The following GTF2IRD1 variants were observed in gnomAD, a reference collection of about 807,000 sequenced individuals.
GTF2IRD1 encodes the protein GTF2I repeat domain containing 1.
In GTF2IRD1, 26 loss-of-function variants were observed where a neutral mutation model predicts 113.2. The observed-to-expected ratio is 0.23, with a 90% CI of 0.17 to 0.32. The LOEUF (loss-of-function observed/expected upper bound fraction) is 0.32. Among genes scored for constraint, GTF2IRD1 ranks in the 10% least tolerant of loss-of-function variants. The pLI is 1.00. For missense variants in GTF2IRD1, 864 were observed against 1,280.8 expected, an observed-to-expected ratio of 0.67 and a Z score of 4.97; for synonymous variants, 484 against 529.1, an observed-to-expected ratio of 0.91 and a Z score of 1.17.
In GTF2IRD1 at chr7:74,512,244, C is replaced by T. The variant is rs10227184; in HGVS notation, c.124-586C>T. ...GCGGGCGCCTGTAGTCCCAGCTACT[C>T]GGGAGGCTGAGGCAGGAGAATCGCT... is the stretch of plus-strand genomic sequence containing the variant. On this transcript the variant is annotated intron_variant, in intron 2 of 26. Coordinates refer to ENST00000424337, the MANE Select transcript of GTF2IRD1 (RefSeq NM_005685.4). The surrounding 1 kb of genome is among the most constrained non-coding windows in gnomAD (Gnocchi z 4.4). Among the ~76,000 whole-genome samples, 10,720 of 152,082 alleles carry T rather than the reference C, an allele frequency of 0.07. 1,164 individuals are homozygous for T. The highest frequency in any genetic ancestry group is 0.24 in the African/African-American group (9,767 of 41,454).
chr7:74,537,470 A>T (rs1384901742), intron 11 of GTF2IRD1, among the ~76,000 whole-genome samples: 2 of 152,004 alleles, frequency 1.3e-5, no homozygotes, highest in African/African-American at 4.8e-5. Flanking sequence ...ACATGCATAC[A>T]TACCTACTAC....
At chr7:74,570,235 C>T (rs112352319) in intron 22 of GTF2IRD1, among the ~76,000 whole-genome samples, 21,992 of 151,666 alleles carry the variant, frequency 0.15, 1,752 homozygotes, top group South Asian at 0.24. Context: ...TGGTGGCGGA[C>T]GCCTGTAATC....
At chr7:74,525,289 A>G (rs1417578219) in intron 8 of GTF2IRD1, among the ~76,000 whole-genome samples, 7 of 152,160 alleles carry the variant, frequency 4.6e-5, no homozygotes, top group Admixed American at 2.6e-4. Flanking sequence ...TGGGCCAGGT[A>G]GGCCTGGGTA....
chr7:74,482,297 G>A lies in GTF2IRD1; in HGVS notation c.-6-25778G>A, dbSNP rs1048621552. On this transcript the variant is annotated intron_variant, in intron 1 of 26. Transcript: ENST00000424337. ...GGCTGGAGTGCAGTGATGCAATCTC[G>A]GCTCACTGCAGCCTCAACCTCATGG... 1.3e-4 allele frequency among the ~76,000 whole-genome samples: 19 copies of A among 141,926 alleles called. No homozygotes were observed. In the East Asian group the frequency reaches 1.6e-3, roughly 12 times the overall value. 93.1% of individuals were successfully genotyped at this position (141,926 alleles called of 152,430 possible).
intron 14 of GTF2IRD1, among the ~76,000 whole-genome samples, chr7:74,540,290 G>C (rs782761043): frequency 2.0e-5 from 3 of 152,098 alleles, no homozygotes; most frequent in Non-Finnish European, 4.4e-5. Flanking sequence ...GGAATTACAG[G>C]CATGTGCCAC....
At chr7:74,520,055 G>C (rs1797178898) in intron 6 of GTF2IRD1, among the ~76,000 whole-genome samples, 1 of 121,838 alleles carries the variant, frequency 8.2e-6, no homozygotes, top group Admixed American at 1.1e-4. Flanking sequence ...GCACACCTCT[G>C]CACTCCAGCC....
intron 22 of GTF2IRD1, among the ~76,000 whole-genome samples, chr7:74,587,106 C>T (rs144711862): frequency 6.6e-6 from 1 of 152,028 alleles, no homozygotes; most frequent in East Asian, 1.9e-4. Flanking sequence ...TATGATGGCA[C>T]CACTGTACTC....
intron 22 of GTF2IRD1, 123 bp downstream of exon 22, chr7:74,559,778 C>A: frequency 1.3e-6 from 1 of 747,504 alleles, no homozygotes; most frequent in Non-Finnish European, 2.0e-6. Flanking sequence ...CAGGCCCCTG[C>A]CTTTCTTTTT....
intron 16 of GTF2IRD1, 85 bp from the exon 17 acceptor site, chr7:74,547,018 C>G: frequency 8.0e-7 from 1 of 1,256,808 alleles, no homozygotes; most frequent in Non-Finnish European, 1.1e-6. Context: ...GGCAGCTTTG[C>G]CCCCCGACAC....
intron 25 of GTF2IRD1, among the ~76,000 whole-genome samples, chr7:74,596,619 G>T (rs1554372399): frequency 6.6e-6 from 1 of 151,928 alleles, no homozygotes; most frequent in African/African-American, 2.4e-5. Context: ...CTCCAGGCTG[G>T]GTGACAGAGC....
chr7:74,570,185 G>A (rs1211922072), intron 22 of GTF2IRD1, among the ~76,000 whole-genome samples: 1 of 151,866 alleles, frequency 6.6e-6, no homozygotes, highest in African/African-American at 2.4e-5. Flanking sequence ...AACATGGTGA[G>A]ACCCTGTCTC....
chr7:74,463,126 T>C (rs534660538), intron 1 of GTF2IRD1, among the ~76,000 whole-genome samples: 1 of 152,154 alleles, frequency 6.6e-6, no homozygotes, highest in African/African-American at 2.4e-5. Flanking sequence ...CTTCTGAGGG[T>C]AGGGAAGGAA....
At chr7:74,469,231 C>T (rs1793938546) in intron 1 of GTF2IRD1, among the ~76,000 whole-genome samples, 1 of 151,906 alleles carries the variant, frequency 6.6e-6, no homozygotes, top group South Asian at 2.1e-4. Flanking sequence ...AGTGATGTCT[C>T]CAGAGACTTG....
chr7:74,461,253 G>A (rs369204662), intron 1 of GTF2IRD1, among the ~76,000 whole-genome samples: 23 of 152,280 alleles, frequency 1.5e-4, no homozygotes, highest in African/African-American at 5.3e-4. Flanking sequence ...AGGCTGCATG[G>A]TTGGGGAGGG....
chr7:74,454,610 TCTGGGCCAGCCCCTG>T, intron 1 of GTF2IRD1, among the ~76,000 whole-genome samples: 1 of 151,830 alleles, frequency 6.6e-6, no homozygotes, highest in Middle Eastern at 3.4e-3. Context: ...CTTCTCCCGG[TCTGGGCCAGCCCCTG>T]GCCCGCGCCC....
At chr7:74,566,886 G>A (rs1301377792) in intron 22 of GTF2IRD1, among the ~76,000 whole-genome samples, 1 of 152,134 alleles carries the variant, frequency 6.6e-6, no homozygotes, top group Non-Finnish European at 1.5e-5. Context: ...TTGCAGCCAC[G>A]CCCTCTTTCC....
rs587678516 is a variant in GTF2IRD1, at chr7:74,583,872, A to AG, written c.2321-5977dup. The stretch of plus-strand genomic sequence containing the variant: ...TACTCACCGCTCACAACTGCCTTGG[A>AG]GGTCCGTGTGATGAGCCCCAGCGTG... On this transcript the variant is annotated intron_variant, in intron 22 of 26. Coordinates refer to ENST00000424337, the MANE Select transcript of GTF2IRD1 (RefSeq NM_005685.4). 7.9e-5 allele frequency among the ~76,000 whole-genome samples: 12 copies of AG among 152,174 alleles called. No individual in the cohort carries two copies. The South Asian group carries it at 2.3e-3, about 29-fold the overall frequency.
Position 74,544,476 on chromosome 7 carries a change from G to A in GTF2IRD1, c.1619-279G>A, listed in dbSNP as rs1389444406. Among the ~76,000 whole-genome samples the A allele has an allele frequency of 3.3e-5, 5 of 152,188 alleles. No homozygotes were observed. In the South Asian group the frequency reaches 6.2e-4, roughly 19 times the overall value. ...GCTGGGATTACAGGTGTGAGCCACC[G>A]TGCCCAGCCGAGGACTTTGTCTTGT... On this transcript the variant is annotated intron_variant, in intron 14 of 26. Transcript: ENST00000424337.
intron 1 of GTF2IRD1, among the ~76,000 whole-genome samples, chr7:74,463,188 C>T (rs1385615792): frequency 6.6e-6 from 1 of 152,168 alleles, no homozygotes. Flanking sequence ...TCAAACGGAA[C>T]AGGGCTGGCC....
Sources: gnomAD v4.1 joint callset for allele counts (sites outside exome capture counted in the v4.1 genomes callset) on GRCh38, gnomAD v4.1.1 for gene constraint, Gnocchi (gnomAD v3.1) non-coding constraint, MANE v1.5 for transcripts, NCBI Gene and HGNC (gene_info 2026-07-23, HGNC 2026-07-21) for gene names.